The following CCDC178 variants were observed in gnomAD, a reference collection of about 807,000 sequenced individuals.
CCDC178 encodes coiled-coil domain-containing protein 178.
Under a neutral mutation model 117.4 loss-of-function variants are expected in CCDC178, and 126 were observed. The observed-to-expected ratio is 1.07, with a 90% confidence interval of 0.93 to 1.24. The LOEUF (loss-of-function observed/expected upper bound fraction) is 1.24. Among genes scored for constraint, CCDC178 ranks in the 50% most tolerant of loss-of-function variants. CCDC178 has a pLI of 0.00. For synonymous variants in CCDC178, 283 were observed against 313.4 expected, an observed-to-expected ratio of 0.90 and a Z score of 1.02; for missense variants, 1,030 against 986.9, an observed-to-expected ratio of 1.04 and a Z score of -0.59.
intron 20 of CCDC178, among the ~76,000 whole-genome samples, chr18:33,107,959 G>A (rs2057729876): frequency 6.6e-6 from 1 of 151,638 alleles, no homozygotes; most frequent in Non-Finnish European, 1.5e-5. Flanking sequence ...AATTTTTTGA[G>A]ATCTTGGCTC....
intron 2 of CCDC178, among the ~76,000 whole-genome samples, chr18:33,417,573 C>T (rs1168615823): frequency 1.3e-5 from 2 of 149,878 alleles, no homozygotes; most frequent in East Asian, 3.9e-4. Context: ...CAAATAACTG[C>T]AAGTATTACC....
At chr18:33,144,896 C>T (rs271499) in intron 20 of CCDC178, among the ~76,000 whole-genome samples, 24,517 of 152,092 alleles carry the variant, frequency 0.16, 2,760 homozygotes, top group African/African-American at 0.32. Context: ...TGACCAAGAT[C>T]ACCATTTTCT....
intron 20 of CCDC178, among the ~76,000 whole-genome samples, chr18:33,185,717 T>C (rs991083415): frequency 2.0e-5 from 3 of 152,102 alleles, no homozygotes; most frequent in Admixed American, 6.6e-5. Context: ...TCTGATTTGG[T>C]ACCACTTAAT....
chr18:33,128,325 C>T (rs1410417811), intron 20 of CCDC178, among the ~76,000 whole-genome samples: 6 of 152,292 alleles, frequency 3.9e-5, no homozygotes, highest in South Asian at 2.1e-4. Flanking sequence ...TATTAAACAA[C>T]TGTGAACTAA....
intron 11 of CCDC178, among the ~76,000 whole-genome samples, chr18:33,295,040 A>T (rs1388857408): frequency 1.3e-5 from 2 of 152,208 alleles, no homozygotes; most frequent in African/African-American, 2.4e-5. Context: ...AAAAGGGAAG[A>T]ATCACTCTAC....
chr18:33,394,945 A>G (rs868859743), intron 4 of CCDC178, among the ~76,000 whole-genome samples: 1,294 of 34,094 alleles, frequency 0.038, 26 homozygotes, highest in African/African-American at 0.16. Context: ...ATGTATGTGT[A>G]TATATATATA....
intron 22 of CCDC178, among the ~76,000 whole-genome samples, chr18:32,951,539 T>C (rs980373670): frequency 2.6e-5 from 4 of 152,194 alleles, no homozygotes; most frequent in African/African-American, 9.6e-5. Flanking sequence ...GCCACCCCCA[T>C]GATTTAATTA....
chr18:33,254,521 A>C (rs2059656123), intron 14 of CCDC178, among the ~76,000 whole-genome samples: 1 of 152,014 alleles, frequency 6.6e-6, no homozygotes, highest in African/African-American at 2.4e-5. Context: ...TACTCTCATG[A>C]AGGAAACAGG....
chr18:33,271,356 G>A (rs960206215), intron 12 of CCDC178, among the ~76,000 whole-genome samples: 3 of 151,308 alleles, frequency 2.0e-5, no homozygotes, highest in African/African-American at 7.3e-5. Context: ...AAGACACATG[G>A]GAGATCAAAG....
chr18:33,418,484 T>C (rs1568214477), intron 2 of CCDC178, among the ~76,000 whole-genome samples: 1 of 152,082 alleles, frequency 6.6e-6, no homozygotes, highest in Non-Finnish European at 1.5e-5. Context: ...CTGGCAGTCC[T>C]GGCCACAGCA....
chr18:33,277,983 C>T (rs983240132), intron 12 of CCDC178, among the ~76,000 whole-genome samples: 3 of 152,054 alleles, frequency 2.0e-5, no homozygotes, highest in South Asian at 2.1e-4. Flanking sequence ...TGCCTGGGCC[C>T]ATGATCCACA....
chr18:33,052,767 T>C (rs1041221150), intron 21 of CCDC178, among the ~76,000 whole-genome samples: 2 of 152,218 alleles, frequency 1.3e-5, no homozygotes, highest in Non-Finnish European at 2.9e-5. Flanking sequence ...TTTATTTTAC[T>C]AATCTTTTAG....
At chr18:33,170,056 TTGTGTGTGTG>T (rs35832872) in intron 20 of CCDC178, among the ~76,000 whole-genome samples, 1 of 148,308 alleles carries the variant, frequency 6.7e-6, no homozygotes, top group Non-Finnish European at 1.5e-5. Context: ...TCCCAGGCAT[TTGTGTGTGTG>T]TGTGTGTGTG....
intron 20 of CCDC178, among the ~76,000 whole-genome samples, chr18:33,180,978 G>T (rs1301519308): frequency 6.6e-6 from 1 of 151,878 alleles, no homozygotes; most frequent in Non-Finnish European, 1.5e-5. Context: ...TCACAATTTG[G>T]TGCATCCTCT....
At chr18:33,017,178 T>C (rs1179869987) in intron 21 of CCDC178, among the ~76,000 whole-genome samples, 1 of 151,880 alleles carries the variant, frequency 6.6e-6, no homozygotes, top group Non-Finnish European at 1.5e-5. Flanking sequence ...ACAGATGATA[T>C]ATGACATGCT....
chr18:33,332,551 A>T (rs1487850612), intron 10 of CCDC178, among the ~76,000 whole-genome samples: 2 of 151,776 alleles, frequency 1.3e-5, no homozygotes, highest in East Asian at 3.9e-4. Flanking sequence ...AAAACCCCAC[A>T]ATTTTATTTT....
At chr18:33,313,820 T>G (rs776093711) in intron 11 of CCDC178, among the ~76,000 whole-genome samples, 3 of 152,128 alleles carry the variant, frequency 2.0e-5, no homozygotes, top group Non-Finnish European at 4.4e-5. Context: ...ATTTCAGAGT[T>G]AAGCTCAGCG....
At chr18:33,308,836 G>T (rs117513593) in intron 11 of CCDC178, among the ~76,000 whole-genome samples, 1,861 of 152,196 alleles carry the variant, frequency 0.012, 24 homozygotes, top group Non-Finnish European at 0.018. Flanking sequence ...TGTGAAGAAG[G>T]ATGTGTTTGC....
At chr18:33,377,654 T>C (rs1315314747) in intron 5 of CCDC178, among the ~76,000 whole-genome samples, 4 of 152,216 alleles carry the variant, frequency 2.6e-5, no homozygotes, top group Admixed American at 6.5e-5. Context: ...CCAATTTCAA[T>C]CTTCTGCCTA....
Sources: allele counts gnomAD v4.1 joint callset (sites outside exome capture counted in the v4.1 genomes callset), GRCh38; gene constraint gnomAD v4.1.1; transcripts MANE v1.5; gene names NCBI Gene and HGNC (gene_info 2026-07-23, HGNC 2026-07-21).